The following TBC1D22A variants were observed in gnomAD, a reference collection of about 807,000 sequenced individuals.
The protein encoded by TBC1D22A is putative GTPase activator.
A neutral mutation model predicts 60.2 loss-of-function variants in TBC1D22A; 38 were observed. The observed-to-expected ratio is 0.63, with a 90% CI of 0.49 to 0.83. The LOEUF is 0.83. Ranked by LOEUF, TBC1D22A falls within the 40% of genes least tolerant of loss-of-function variation. The pLI is 0.00. For synonymous variants in TBC1D22A, 302 were observed against 281.7 expected (o/e 1.07, Z -0.72); for missense variants, 628 against 701.0 (o/e 0.90, Z 1.18).
chr22:46,776,204 C>T (rs73475009), intron 1 of TBC1D22A, among the ~76,000 whole-genome samples: 2,486 of 152,310 alleles, frequency 0.016, 72 homozygotes, highest in African/African-American at 0.057. Context: ...GTTCTGTAGT[C>T]AGGGGCTGGG....
chr22:47,054,987 C>T (rs2063345237), intron 11 of TBC1D22A, among the ~76,000 whole-genome samples: 1 of 152,200 alleles, frequency 6.6e-6, no homozygotes, highest in South Asian at 2.1e-4. Context: ...TCCTGACCAC[C>T]CCTGCGCAGC....
intron 9 of TBC1D22A, among the ~76,000 whole-genome samples, chr22:46,981,266 A>G (rs1473688879): frequency 6.6e-6 from 1 of 152,210 alleles, no homozygotes; most frequent in Non-Finnish European, 1.5e-5. Context: ...GTGGTTGTCA[A>G]TGCCTGACAT....
intron 7 of TBC1D22A, among the ~76,000 whole-genome samples, chr22:46,904,324 G>C (rs1320503533): frequency 8.1e-6 from 1 of 123,254 alleles, no homozygotes; most frequent in Admixed American, 8.1e-5. Flanking sequence ...CTTATAACAG[G>C]CTTTCAGTGA....
chr22:46,920,134 C>T (rs1364337951), intron 8 of TBC1D22A, among the ~76,000 whole-genome samples: 1 of 152,042 alleles, frequency 6.6e-6, no homozygotes, highest in East Asian at 1.9e-4. Flanking sequence ...AGGCTAAGTG[C>T]ACTAACGTTA....
intron 12 of TBC1D22A, among the ~76,000 whole-genome samples, chr22:47,149,744 C>A (rs1399244689): frequency 6.6e-6 from 1 of 152,204 alleles, no homozygotes; most frequent in Non-Finnish European, 1.5e-5. Flanking sequence ...GGCTGAGGCT[C>A]TTGGGTTTTT....
intron 1 of TBC1D22A, among the ~76,000 whole-genome samples, chr22:46,783,958 A>T (rs550876755): frequency 1.3e-5 from 2 of 152,248 alleles, no homozygotes; most frequent in Non-Finnish European, 2.9e-5. Context: ...TCTGCTTTTC[A>T]TAAGGAATCA....
At chr22:47,134,003 G>T (rs1275611728) in intron 12 of TBC1D22A, among the ~76,000 whole-genome samples, 1 of 152,136 alleles carries the variant, frequency 6.6e-6, no homozygotes, top group Non-Finnish European at 1.5e-5. Flanking sequence ...CAGGTCCCCT[G>T]TGTCCACTCC....
At chr22:46,869,740 T>C (rs2147419271) in intron 4 of TBC1D22A, among the ~76,000 whole-genome samples, 1 of 152,374 alleles carries the variant, frequency 6.6e-6, no homozygotes, top group South Asian at 2.1e-4. Flanking sequence ...TATTGTTCAG[T>C]GTTTCTTCCA....
intron 8 of TBC1D22A, chr22:46,915,658 G>A (rs2070313176): frequency 4.4e-6 from 2 of 456,736 alleles, no homozygotes; most frequent in South Asian, 3.1e-5. Flanking sequence ...TCCCCGGGGT[G>A]TGGGATTTCT....
chr22:46,876,214 G>A (rs2067556212), intron 4 of TBC1D22A, among the ~76,000 whole-genome samples: 1 of 152,184 alleles, frequency 6.6e-6, no homozygotes, highest in Admixed American at 6.5e-5. Flanking sequence ...TGTGCTTTCA[G>A]ATTCTCGTAT....
chr22:46,897,866 G>A (rs192883682), intron 7 of TBC1D22A, among the ~76,000 whole-genome samples: 69 of 151,698 alleles, frequency 4.5e-4, no homozygotes, highest in African/African-American at 1.6e-3. Flanking sequence ...GTAAAGGCAC[G>A]TTTAAACTTT....
At chr22:46,991,120 G>T (rs907049282) in intron 9 of TBC1D22A, among the ~76,000 whole-genome samples, 2 of 152,168 alleles carry the variant, frequency 1.3e-5, no homozygotes, top group African/African-American at 4.8e-5. Context: ...AGTACCGCCT[G>T]TGCCCTTGTG....
chr22:47,141,174 G>A (rs547928220), intron 12 of TBC1D22A, among the ~76,000 whole-genome samples: 26 of 152,096 alleles, frequency 1.7e-4, no homozygotes, highest in Non-Finnish European at 2.9e-4. Context: ...ATCAGATCTC[G>A]TGAGACTTAC....
intron 12 of TBC1D22A, among the ~76,000 whole-genome samples, chr22:47,114,630 G>A (rs962791618): frequency 1.3e-5 from 2 of 152,150 alleles, no homozygotes; most frequent in Non-Finnish European, 2.9e-5. Flanking sequence ...CCACCTGAGC[G>A]AGTAGGGCCC....
At chr22:47,030,330 A>G (rs534515396) in intron 10 of TBC1D22A, among the ~76,000 whole-genome samples, 1 of 152,286 alleles carries the variant, frequency 6.6e-6, no homozygotes, top group South Asian at 2.1e-4. Context: ...GTCCTGCATA[A>G]ACAGTGTGTG....
chr22:47,169,626 G>GCA (rs1378137446), intron 12 of TBC1D22A, among the ~76,000 whole-genome samples: 2 of 152,164 alleles, frequency 1.3e-5, no homozygotes, highest in African/African-American at 4.8e-5. Flanking sequence ...AGGATTCTCG[G>GCA]CACACAGGCT....
At chr22:47,158,164 TCC>T (rs1480318353) in intron 12 of TBC1D22A, among the ~76,000 whole-genome samples, 7 of 152,132 alleles carry the variant, frequency 4.6e-5, no homozygotes, top group African/African-American at 1.4e-4. Context: ...ACCCAGCCCC[TCC>T]CTGACCTGGG....
intron 9 of TBC1D22A, among the ~76,000 whole-genome samples, chr22:46,975,790 G>A (rs978464773): frequency 5.9e-5 from 9 of 152,188 alleles, no homozygotes; most frequent in Admixed American, 2.6e-4. Context: ...AAAAGGTTCC[G>A]TTGAGGAAAG....
chr22:47,159,365 ACT>A (rs1431946367), intron 12 of TBC1D22A, among the ~76,000 whole-genome samples: 5 of 116,846 alleles, frequency 4.3e-5, no homozygotes, highest in African/African-American at 2.1e-4. Flanking sequence ...AAGCACATAC[ACT>A]CATGTATACA....
Sources: gnomAD v4.1 joint callset for allele counts (sites outside exome capture counted in the v4.1 genomes callset) on GRCh38, gnomAD v4.1.1 for gene constraint, MANE v1.5 for transcripts, NCBI Gene and HGNC (gene_info 2026-07-23, HGNC 2026-07-21) for gene names.